THADA: variants seen among roughly 807,000 people sequenced by gnomAD.
The protein encoded by THADA is tRNA (32-2'-O)-methyltransferase regulator THADA.
A neutral mutation model predicts 219.8 loss-of-function variants in THADA; 213 were observed. The ratio of observed to expected loss-of-function variants is 0.97; its 90% confidence interval spans 0.87 to 1.09. THADA has a LOEUF of 1.09. Ranked by LOEUF, THADA falls within the 50% of genes least tolerant of loss-of-function variation. THADA has a pLI of 0.00. For synonymous variants in THADA, 1,018 were observed against 828.9 expected, an observed-to-expected ratio of 1.23 and a Z score of -3.92; for missense variants, 2,956 against 2,311.3, an observed-to-expected ratio of 1.28 and a Z score of -5.72.
At chr2:43,500,114 C>T (rs1251454599) in intron 24 of THADA, among the ~76,000 whole-genome samples, 1 of 152,016 alleles carries the variant, frequency 6.6e-6, no homozygotes, top group Non-Finnish European at 1.5e-5. Context: ...TGTACCACTC[C>T]ACTCAAGCCT....
At chr2:43,501,237 C>T (rs554647875) in intron 24 of THADA, among the ~76,000 whole-genome samples, 3 of 126,258 alleles carry the variant, frequency 2.4e-5, no homozygotes, top group African/African-American at 8.9e-5. Flanking sequence ...ACCCAGGAGG[C>T]GGAGGTTGCA....
chr2:43,477,804 A>T (rs1456042956), intron 26 of THADA, among the ~76,000 whole-genome samples: 2 of 152,252 alleles, frequency 1.3e-5, no homozygotes, highest in African/African-American at 4.8e-5. Context: ...GACTGAATGA[A>T]CACTTCCACA....
intron 36 of THADA, among the ~76,000 whole-genome samples, chr2:43,254,696 A>G (rs1670131633): frequency 6.6e-6 from 1 of 152,094 alleles, no homozygotes; most frequent in Non-Finnish European, 1.5e-5. Context: ...CTTTCCTCCA[A>G]GCAGCCATTC....
intron 26 of THADA, among the ~76,000 whole-genome samples, chr2:43,476,007 A>G (rs770584189): frequency 1.3e-5 from 2 of 152,162 alleles, no homozygotes; most frequent in Non-Finnish European, 2.9e-5. Flanking sequence ...CTTCCTCTTA[A>G]CAGAACTGAT....
intron 28 of THADA, among the ~76,000 whole-genome samples, chr2:43,401,806 A>C (rs894967211): frequency 1.3e-5 from 2 of 152,226 alleles, no homozygotes; most frequent in African/African-American, 4.8e-5. Flanking sequence ...ACTGTGATCC[A>C]GAGCTCTCTG....
intron 8 of THADA, among the ~76,000 whole-genome samples, chr2:43,581,265 C>A (rs1213237927): frequency 6.6e-6 from 1 of 152,104 alleles, no homozygotes; most frequent in Non-Finnish European, 1.5e-5. Flanking sequence ...CACAGTGGCT[C>A]ACACCTGTAA....
intron 29 of THADA, among the ~76,000 whole-genome samples, chr2:43,395,448 G>A (rs1245341059): frequency 6.6e-6 from 1 of 152,018 alleles, no homozygotes; most frequent in East Asian, 1.9e-4. Flanking sequence ...GGGATGTAGT[G>A]GAAACTCAAG....
intron 28 of THADA, among the ~76,000 whole-genome samples, chr2:43,409,684 A>C (rs1020961711): frequency 1.3e-5 from 2 of 152,182 alleles, no homozygotes; most frequent in Non-Finnish European, 2.9e-5. Flanking sequence ...AAAGAAATAA[A>C]TCTATGTCTA....
intron 36 of THADA, among the ~76,000 whole-genome samples, chr2:43,235,323 C>T (rs908014481): frequency 4.6e-5 from 7 of 151,008 alleles, no homozygotes; most frequent in South Asian, 2.1e-4. Context: ...GACAGAGTTT[C>T]GCTCTTGTTG....
chr2:43,395,774 CAG>C (rs1364581360), intron 29 of THADA, among the ~76,000 whole-genome samples: 2 of 152,130 alleles, frequency 1.3e-5, no homozygotes, highest in African/African-American at 2.4e-5. Context: ...TTTTTTGAGA[CAG>C]AGTCTCACTC....
At chr2:43,363,029 G>A (rs921439159) in intron 29 of THADA, among the ~76,000 whole-genome samples, 7 of 152,024 alleles carry the variant, frequency 4.6e-5, no homozygotes, top group African/African-American at 1.5e-4. Context: ...GCAATAACAC[G>A]CATGGAGCAG....
At chr2:43,336,102 A>C (rs1186797398) in intron 30 of THADA, among the ~76,000 whole-genome samples, 1 of 151,582 alleles carries the variant, frequency 6.6e-6, no homozygotes, top group African/African-American at 2.4e-5. Flanking sequence ...ATCTCAAAAA[A>C]AAAAAAAGTT....
chr2:43,514,942 T>A (rs1256349699), intron 22 of THADA, among the ~76,000 whole-genome samples: 5 of 77,844 alleles, frequency 6.4e-5, no homozygotes, highest in Non-Finnish European at 1.1e-4. Context: ...TACGTATATT[T>A]TATATATAAT....
At chr2:43,458,143 T>C (rs1476294952) in intron 26 of THADA, among the ~76,000 whole-genome samples, 1 of 152,198 alleles carries the variant, frequency 6.6e-6, no homozygotes, top group Non-Finnish European at 1.5e-5. Flanking sequence ...ATAGGGTTAC[T>C]CAAGTTCATG....
At chr2:43,307,609 A>G (rs1677015059) in intron 31 of THADA, among the ~76,000 whole-genome samples, 1 of 152,228 alleles carries the variant, frequency 6.6e-6, no homozygotes, top group African/African-American at 2.4e-5. Flanking sequence ...GAGGAGCTAC[A>G]TTTGCCCTAA....
At chr2:43,365,566 G>GACACACACAC (rs375762944) in intron 29 of THADA, among the ~76,000 whole-genome samples, 19,212 of 143,352 alleles carry the variant, frequency 0.13, 1,584 homozygotes, top group Non-Finnish European at 0.19. Flanking sequence ...GCAAGACTCT[G>GACACACACAC]ACACACACAC....
At chr2:43,481,264 A>G (rs1406576859) in intron 26 of THADA, among the ~76,000 whole-genome samples, 1 of 152,214 alleles carries the variant, frequency 6.6e-6, no homozygotes, top group Non-Finnish European at 1.5e-5. Flanking sequence ...AAATAAAATA[A>G]ATACAATTTA....
chr2:43,458,957 T>A (rs1025500621), intron 26 of THADA, among the ~76,000 whole-genome samples: 13 of 152,130 alleles, frequency 8.5e-5, no homozygotes, highest in Admixed American at 5.9e-4. Flanking sequence ...AAAAAAAAAA[T>A]TTTGCTGGTT....
chr2:43,556,178 G>A, intron 17 of THADA, 167 bp downstream of exon 17: 1 of 1,350,246 alleles, frequency 7.4e-7, no homozygotes, highest in Admixed American at 3.0e-5. Flanking sequence ...AAGTATTATA[G>A]CTGACTAAAA....
Sources: gnomAD v4.1 joint callset for allele counts (sites outside exome capture counted in the v4.1 genomes callset) on GRCh38, gnomAD v4.1.1 for gene constraint, MANE v1.5 for transcripts, NCBI Gene and HGNC (gene_info 2026-07-23, HGNC 2026-07-21) for gene names.